Variants in XYLB observed in about 807,000 individuals in gnomAD.
The protein encoded by XYLB is xylulose kinase.
XYLB carries 62 observed loss-of-function variants against 78.7 expected under a neutral mutation model. The ratio of observed to expected loss-of-function variants is 0.79; its 90% CI spans 0.64 to 0.97. XYLB has a LOEUF of 0.97. Ranked by LOEUF, XYLB falls within the 50% of genes least tolerant of loss-of-function variation. The probability of loss-of-function intolerance (pLI) is 0.00; values close to 1 mark genes in which losing one functional copy is unlikely to be tolerated. For synonymous variants in XYLB, 245 were observed against 247.4 expected (o/e 0.99, Z 0.09); for missense variants, 687 against 676.8 (o/e 1.02, Z -0.17).
intron 17 of XYLB, among the ~76,000 whole-genome samples, chr3:38,397,719 C>G (rs1307015872): frequency 6.6e-6 from 1 of 152,044 alleles, no homozygotes; most frequent in African/African-American, 2.4e-5. Flanking sequence ...TCAATTTGCT[C>G]TGTCTCCTGC....
intron 15 of XYLB, among the ~76,000 whole-genome samples, chr3:38,384,385 C>T (rs1007158420): frequency 5.9e-5 from 9 of 152,094 alleles, no homozygotes; most frequent in Non-Finnish European, 8.8e-5. Flanking sequence ...GGTTTTCCAA[C>T]GTGGAATCAC....
chr3:38,348,292 A>G (rs774647595), intron 1 of XYLB, among the ~76,000 whole-genome samples: 1 of 152,136 alleles, frequency 6.6e-6, no homozygotes, highest in African/African-American at 2.4e-5. Flanking sequence ...GGCTTTGGCT[A>G]TTTGGGGAAC....
At position 38,346,917 on chromosome 3, in the gene XYLB, A is replaced by T. The variant is rs1705091322; in HGVS notation, c.49A>T (p.Thr17Ser). The T allele has an allele frequency of 1.3e-6, 2 of 1,511,998 alleles. No homozygotes were observed. Among genetic ancestry groups the T allele is most frequent in the African/African-American group, 1.4e-5 (1 of 69,476 alleles). 93.7% of individuals were successfully genotyped at this position (1,511,998 alleles called of 1,614,324 possible). A position where few individuals can be genotyped will look rare whatever the true frequency, so the allele number is the denominator to read the frequency against. ...RRCCLGWDFS[T>S]QQVKVVAVDA... ...CTGCTGCCTGGGCTGGGACTTCAGCACGCAGCAGGTACAGTCGCCTGGCCG... is the reference window on the plus strand; with the variant it reads ...CTGCTGCCTGGGCTGGGACTTCAGCTCGCAGCAGGTACAGTCGCCTGGCCG... Residue 17 changes from threonine (T) to serine (S), a missense_variant, in exon 1 of 19, where the codon ACG (threonine) becomes TCG (serine). By Grantham distance (58) the Thr-to-Ser change is moderately conservative. Transcript: ENST00000207870.
At chr3:38,351,171 C>CAAAAAAAAAAAAAAAAA (rs58457623) in intron 2 of XYLB, among the ~76,000 whole-genome samples, 14 of 23,086 alleles carry the variant, frequency 6.1e-4, no homozygotes, top group Admixed American at 1.3e-3. Flanking sequence ...GAGCCTGTCT[C>CAAAAAAAAAAAAAAAAA]AAAAAAAAAA....
the XYLB span, among the ~76,000 whole-genome samples, chr3:38,431,661 C>T: frequency 6.6e-6 from 1 of 152,136 alleles, no homozygotes; most frequent in Admixed American, 6.5e-5. Context: ...AGTTTTTGCA[C>T]ATTCAGTATG....
chr3:38,378,540 G>A (rs904060470), intron 14 of XYLB, among the ~76,000 whole-genome samples: 5 of 152,172 alleles, frequency 3.3e-5, no homozygotes, highest in Admixed American at 1.3e-4. Flanking sequence ...AAGCCTGGGC[G>A]TCTCTGAGAA....
the XYLB span, among the ~76,000 whole-genome samples, chr3:38,433,774 C>G: frequency 6.6e-6 from 1 of 152,204 alleles, no homozygotes; most frequent in Non-Finnish European, 1.5e-5. Flanking sequence ...AAGTTCCAAA[C>G]TTTCCCACAT....
At chr3:38,374,053 G>A (rs1480689469) in intron 10 of XYLB, among the ~76,000 whole-genome samples, 1 of 151,928 alleles carries the variant, frequency 6.6e-6, no homozygotes, top group Admixed American at 6.6e-5. Context: ...TGCTGTTGTG[G>A]GCTTTGTGTC....
At chr3:38,353,862 G>A (rs1705499176) in intron 2 of XYLB, among the ~76,000 whole-genome samples, 1 of 140,598 alleles carries the variant, frequency 7.1e-6, no homozygotes. Context: ...ATTCCAGCCT[G>A]GGTGACAAAG....
chr3:38,446,548 A>G, the XYLB span, among the ~76,000 whole-genome samples: 4 of 152,202 alleles, frequency 2.6e-5, no homozygotes, highest in Admixed American at 6.5e-5. Flanking sequence ...CAAAAATAGC[A>G]TGGTACTGGT....
chr3:38,439,761 C>CA, the XYLB span, among the ~76,000 whole-genome samples: 77,172 of 136,086 alleles, frequency 0.57, 21,294 homozygotes, highest in East Asian at 0.64. Context: ...GACTCCGTCT[C>CA]AAAAAAAAAA....
rs773442178 is a variant in XYLB at position 38,372,764 on chromosome 3, C to T, written c.847+28C>T. Reference sequence around the variant, plus strand: ...GAGTATCTCGGGGAGTTTCACTCTCCAGTGAGCCTGACTGGGTCCATGCTG... The same window carrying T: ...GAGTATCTCGGGGAGTTTCACTCTCTAGTGAGCCTGACTGGGTCCATGCTG... On this transcript the variant is annotated intron_variant, in intron 10 of 18. Coordinates refer to ENST00000207870, the MANE Select transcript of XYLB (RefSeq NM_005108.4). 6.2e-6 allele frequency: 10 copies of T among 1,610,650 alleles called. No homozygotes were observed. The Admixed American group carries it at 8.3e-5, about 13-fold the overall frequency.
intron 7 of XYLB, 44 bp downstream of exon 7, chr3:38,366,917 C>T: frequency 7.4e-7 from 1 of 1,346,320 alleles, no homozygotes; most frequent in Non-Finnish European, 1.1e-6. Flanking sequence ...CAGTTGAATT[C>T]TTTTCATAAT....
chr3:38,401,052 A>T, intron 18 of XYLB, 67 bp downstream of exon 18: 1 of 1,396,568 alleles, frequency 7.2e-7, no homozygotes. Context: ...TTTTTCCCCC[A>T]CCAAAAGGTC....
the XYLB span, among the ~76,000 whole-genome samples, chr3:38,426,684 A>G: frequency 6.6e-6 from 1 of 152,230 alleles, no homozygotes; most frequent in African/African-American, 2.4e-5. Flanking sequence ...TGGATCGCGA[A>G]TCCTGCGAGA....
At chr3:38,419,482 C>T (rs1256473839), downstream of XYLB, among the ~76,000 whole-genome samples, 1 of 149,872 alleles carries the variant, frequency 6.7e-6, no homozygotes, top group Non-Finnish European at 1.5e-5. Flanking sequence ...GGACCCACCA[C>T]AGTTTTCCAC....
At chr3:38,412,819 C>A (rs986868059) in intron 18 of XYLB, 117 bp from the exon 19 acceptor site, 4 of 844,602 alleles carry the variant, frequency 4.7e-6, no homozygotes, top group East Asian at 2.9e-5. Context: ...TTCTTTCGCC[C>A]AGAAAAAAAG....
At chr3:38,417,699 G>A (rs186050010), downstream of XYLB, among the ~76,000 whole-genome samples, 596 of 151,968 alleles carry the variant, frequency 3.9e-3, 2 homozygotes, top group Non-Finnish European at 6.7e-3. Context: ...GGTCAAAATG[G>A]TGAAACCCCA....
chr3:38,447,046 A>G, the XYLB span, among the ~76,000 whole-genome samples: 1 of 152,244 alleles, frequency 6.6e-6, no homozygotes, highest in African/African-American at 2.4e-5. Context: ...TATCCAGAAT[A>G]TACAAGGAAC....
Sources: gnomAD v4.1 joint callset for allele counts (sites outside exome capture counted in the v4.1 genomes callset) on GRCh38, gnomAD v4.1.1 for gene constraint, MANE v1.5 for transcripts, NCBI Gene and HGNC (gene_info 2026-07-23, HGNC 2026-07-21) for gene names.